ZC3H3: variants seen among roughly 807,000 people sequenced by gnomAD.
The protein encoded by ZC3H3 is zinc finger CCCH-type containing 3.
A neutral mutation model predicts 77.3 loss-of-function variants in ZC3H3; 36 were observed. That is an observed-to-expected ratio of 0.47 (90% CI 0.36 to 0.61). The LOEUF is 0.61. Ranked by LOEUF, ZC3H3 falls within the 20% of genes least tolerant of loss-of-function variation. The probability of loss-of-function intolerance (pLI) is 0.00; values close to 1 mark genes in which losing one functional copy is unlikely to be tolerated. For synonymous variants in ZC3H3, 626 were observed against 555.2 expected (o/e 1.13, Z -1.79); for missense variants, 1,331 against 1,312.2 (o/e 1.01, Z -0.22).
chr8:143,474,163 C>A (rs1291328930), intron 5 of ZC3H3, among the ~76,000 whole-genome samples: 2 of 148,668 alleles, frequency 1.3e-5, no homozygotes, highest in South Asian at 4.4e-4. Flanking sequence ...CAGCCCAGTC[C>A]CTCAAGGTAC....
At position 143,538,123 on chromosome 8, in the gene ZC3H3, G is replaced by A. The variant is rs36008851; in HGVS notation, c.1244C>T (p.Pro415Leu). The A allele has an allele frequency of 1.5e-3, 2,437 of 1,613,158 alleles. 25 individuals carry two copies. In the African/African-American group the frequency reaches 0.021, roughly 14 times the overall value. The change falls in exon 2 of 12, where the codon CCG (proline) becomes CTG (leucine). Residue 415 changes from proline to leucine, a missense_variant. Pro to Leu is a moderately conservative substitution (Grantham distance 98). Transcript: ENST00000262577. ...SQLSPVLSRS[P>L]SGDRPAVGHS... is the part of the protein sequence containing the mutation. ...TCCTACTGCTGGTCTGTCCCCCGAC[G>A]GGGACCTAGACAGGACTGGGGAGAG...
Position 143,468,798 on chromosome 8 carries a change from G to A in ZC3H3, c.1904-139C>T, listed in dbSNP as rs535401893. ...AGCCTCCCCTCCAGGAAACTGCCCAGAGCTCCCCTCCCCACAGTGGTTCAG... is the reference window on the plus strand; with the variant it reads ...AGCCTCCCCTCCAGGAAACTGCCCAAAGCTCCCCTCCCCACAGTGGTTCAG... On this transcript the variant is annotated intron_variant, in intron 5 of 11. Transcript: ENST00000262577. 6.7e-5 allele frequency: 77 copies of A among 1,148,688 alleles called. No homozygotes were observed. In the South Asian group the frequency reaches 1.2e-3, roughly 17 times the overall value. 71.2% of individuals were successfully genotyped at this position (1,148,688 alleles called of 1,614,324 possible).
At chr8:143,523,032 T>C (rs1352021142) in intron 3 of ZC3H3, among the ~76,000 whole-genome samples, 3 of 152,234 alleles carry the variant, frequency 2.0e-5, no homozygotes, top group South Asian at 4.1e-4. Context: ...CCCCTCATCC[T>C]GATAGTCCAG....
intron 3 of ZC3H3, among the ~76,000 whole-genome samples, chr8:143,525,307 G>A (rs913217991): frequency 5.3e-5 from 8 of 152,278 alleles, no homozygotes; most frequent in African/African-American, 1.7e-4. Context: ...AGCCACAGGC[G>A]AGGGGACCAG....
intron 4 of ZC3H3, among the ~76,000 whole-genome samples, chr8:143,505,484 C>A (rs1334885866): frequency 6.6e-6 from 1 of 152,290 alleles, no homozygotes; most frequent in African/African-American, 2.4e-5. Context: ...TGACCCTGGG[C>A]GAGGCAGGCC....
intron 3 of ZC3H3, among the ~76,000 whole-genome samples, chr8:143,509,790 C>T (rs1821816945): frequency 6.6e-6 from 1 of 152,208 alleles, no homozygotes; most frequent in Admixed American, 6.5e-5. Context: ...TGTTCCCCTC[C>T]CCATCAACCT....
At chr8:143,467,352 TG>T (rs1201292057) in intron 8 of ZC3H3, among the ~76,000 whole-genome samples, 4 of 152,240 alleles carry the variant, frequency 2.6e-5, no homozygotes, top group Non-Finnish European at 5.9e-5. Flanking sequence ...TTCAGGGCAC[TG>T]GTGCGGGGCG....
intron 3 of ZC3H3, chr8:143,523,646 C>A: frequency 1.5e-6 from 1 of 674,036 alleles, no homozygotes; most frequent in Non-Finnish European, 1.8e-6. Flanking sequence ...CAGGCAGACC[C>A]TCTGCTGCAT....
intron 3 of ZC3H3, among the ~76,000 whole-genome samples, chr8:143,526,751 G>A (rs1288146646): frequency 2.0e-5 from 3 of 152,122 alleles, no homozygotes. Context: ...CAGAGAAGGG[G>A]CCAAATCCCA....
At chr8:143,496,820 G>A (rs564432376) in intron 4 of ZC3H3, among the ~76,000 whole-genome samples, 1 of 152,258 alleles carries the variant, frequency 6.6e-6, no homozygotes, top group African/African-American at 2.4e-5. Flanking sequence ...GGCCACACCA[G>A]TGCTGCCATG....
rs149514809 is a variant in ZC3H3, at chr8:143,483,362, C to T, written c.1716-7777G>A. Reference sequence around the variant, plus strand: ...GGTTTCTCCTGGTGCTGAGCCACTGCGGCCCCCGAATGGGTTGGCCAGGCT... The same window carrying T: ...GGTTTCTCCTGGTGCTGAGCCACTGTGGCCCCCGAATGGGTTGGCCAGGCT... On this transcript the variant is annotated intron_variant, in intron 4 of 11. Coordinates refer to ENST00000262577, the MANE Select transcript of ZC3H3 (RefSeq NM_015117.3). Among the ~76,000 whole-genome samples, 252 of 152,318 alleles carry T rather than the reference C, an allele frequency of 1.7e-3. 2 individuals carry two copies. Among genetic ancestry groups the T allele is most frequent in the African/African-American group, 5.7e-3 (239 of 41,576 alleles).
At chr8:143,483,197 C>T (rs961189653) in intron 4 of ZC3H3, among the ~76,000 whole-genome samples, 5 of 152,246 alleles carry the variant, frequency 3.3e-5, no homozygotes, top group African/African-American at 9.6e-5. Context: ...AGAGCTGCGC[C>T]ATGACAGGCA....
chr8:143,477,223 G>A (rs986028261), intron 4 of ZC3H3, among the ~76,000 whole-genome samples: 4 of 152,240 alleles, frequency 2.6e-5, no homozygotes, highest in African/African-American at 9.6e-5. Flanking sequence ...CCGGGGATGG[G>A]AGCTGCAGTG....
intron 3 of ZC3H3, among the ~76,000 whole-genome samples, chr8:143,521,515 G>C (rs1466329481): frequency 6.6e-6 from 1 of 152,208 alleles, no homozygotes; most frequent in Non-Finnish European, 1.5e-5. Flanking sequence ...CCTGCACATG[G>C]GGCATCTGCT....
Position 143,475,942 on chromosome 8 carries a change from G to T in ZC3H3, c.1716-357C>A, listed in dbSNP as rs543021649. 2.6e-5 allele frequency among the ~76,000 whole-genome samples: 4 copies of T among 152,324 alleles called. No homozygotes were observed. The South Asian group carries it at 8.3e-4, about 32-fold the overall frequency. On this transcript the variant is annotated intron_variant, in intron 4 of 11. Coordinates refer to ENST00000262577, the MANE Select transcript of ZC3H3 (RefSeq NM_015117.3). ...GTCCTCCAGTGCACACCTCCCCGTGGATATAACCACCCCTGGGCCCTGACC... is the reference window on the plus strand; with the variant it reads ...GTCCTCCAGTGCACACCTCCCCGTGTATATAACCACCCCTGGGCCCTGACC...
In ZC3H3 at chr8:143,450,204, C is replaced by T. The variant is rs1305333369; in HGVS notation, c.2308-9084G>A. 5.9e-5 allele frequency among the ~76,000 whole-genome samples: 9 copies of T among 152,156 alleles called. 1 individual carries two copies. Among genetic ancestry groups the T allele is most frequent in the African/African-American group, 9.7e-5 (4 of 41,438 alleles). On this transcript the variant is annotated intron_variant, in intron 9 of 11. Coordinates refer to ENST00000262577, the MANE Select transcript of ZC3H3 (RefSeq NM_015117.3). Reference sequence around the variant, plus strand: ...TGGGTAATTTATTTCTTTATTGAGACGGTGTCTTACTCTGCTGCCCAGGCT... The same window carrying T: ...TGGGTAATTTATTTCTTTATTGAGATGGTGTCTTACTCTGCTGCCCAGGCT...
rs555972803 is a variant in ZC3H3, at chr8:143,457,916, T to C, written c.2307+7801A>G. 1.3e-4 allele frequency among the ~76,000 whole-genome samples: 20 copies of C among 152,018 alleles called. No homozygotes were observed. In the South Asian group the frequency reaches 4.2e-3, roughly 32 times the overall value. ...TTCAAATCAATAATCTAAGCTCCCA[T>C]TTCAAGAATGTAGAGGAAAAAAAAC... is the stretch of plus-strand genomic sequence containing the variant. On this transcript the variant is annotated intron_variant, in intron 9 of 11. Transcript: ENST00000262577.
intron 3 of ZC3H3, among the ~76,000 whole-genome samples, chr8:143,535,359 C>T (rs932599536): frequency 2.6e-5 from 4 of 152,110 alleles, no homozygotes; most frequent in African/African-American, 9.7e-5. Flanking sequence ...TTCTGAGCAC[C>T]GGTTCCCAGT....
At chr8:143,475,729 G>T in intron 4 of ZC3H3, 144 bp from the exon 5 acceptor site, 2 of 965,008 alleles carry the variant, frequency 2.1e-6, no homozygotes, top group Non-Finnish European at 2.9e-6. Flanking sequence ...CCAGCTGGGT[G>T]ACCACGGGCC....
Sources: allele counts gnomAD v4.1 joint callset (sites outside exome capture counted in the v4.1 genomes callset), GRCh38; gene constraint gnomAD v4.1.1; transcripts MANE v1.5; gene names NCBI Gene and HGNC (gene_info 2026-07-23, HGNC 2026-07-21).